The following ARHGEF18 variants were observed in gnomAD, a reference collection of about 807,000 sequenced individuals.
The protein encoded by ARHGEF18 is rho guanine nucleotide exchange factor 18.
ARHGEF18 carries 93 observed loss-of-function variants against 155.7 expected under a neutral mutation model. The observed-to-expected ratio is 0.60, with a 90% CI of 0.50 to 0.71. The LOEUF (loss-of-function observed/expected upper bound fraction) is 0.71, where lower values mean the gene tolerates loss of function less well. ARHGEF18 is among the 30% of genes least tolerant of loss of function. The probability of loss-of-function intolerance (pLI) is 0.00; values close to 1 mark genes in which losing one functional copy is unlikely to be tolerated. For synonymous variants in ARHGEF18, 742 were observed against 753.1 expected (o/e 0.99, Z 0.24); for missense variants, 1,593 against 1,816.1 (o/e 0.88, Z 2.23).
At position 7,395,020 on chromosome 19, in the gene ARHGEF18, T is replaced by C; in HGVS notation, c.967+11817T>C. 2 of 981,860 alleles carry C rather than the reference T, an allele frequency of 2.0e-6. No homozygotes were observed. Among genetic ancestry groups the C allele is most frequent in the Non-Finnish European group, 2.4e-6 (2 of 826,942 alleles). 60.8% of individuals were successfully genotyped at this position (981,860 alleles called of 1,614,324 possible). A position where few individuals can be genotyped will look rare whatever the true frequency, so the allele number is the denominator to read the frequency against. ...CGGCTCGGGGAGCAGCAGCCCCAGG[T>C]CCCCGGGAGCGCCCCGCCCTCGAGG... On this transcript the variant is annotated intron_variant, in intron 10 of 28. Coordinates refer to ENST00000668164, the MANE Select transcript of ARHGEF18 (RefSeq NM_001367823.1). This position sits in a 1 kb window ranked among gnomAD's most constrained non-coding sequence, Gnocchi z 5.0.
chr19:7,439,593 G>C (rs1974494632), intron 10 of ARHGEF18: 1 of 822,588 alleles, frequency 1.2e-6, no homozygotes, highest in Non-Finnish European at 1.5e-6. Flanking sequence ...TGTTGATGTT[G>C]GGTTGGTTTA....
At chr19:7,403,996 C>T (rs1166777261) in intron 10 of ARHGEF18, among the ~76,000 whole-genome samples, 2 of 150,520 alleles carry the variant, frequency 1.3e-5, no homozygotes, top group Admixed American at 6.6e-5. Context: ...ACCCGGGAGG[C>T]GGCGGAGGTT....
chr19:7,382,741 C>T (rs1970806158), intron 8 of ARHGEF18, 51 bp from the exon 9 acceptor site: 1 of 1,206,618 alleles, frequency 8.3e-7, no homozygotes. Flanking sequence ...ACAGGGCTGC[C>T]TCAGAATGGC....
intron 7 of ARHGEF18, among the ~76,000 whole-genome samples, chr19:7,380,684 T>A (rs1220086122): frequency 1.3e-5 from 2 of 151,816 alleles, no homozygotes; most frequent in Non-Finnish European, 2.9e-5. Flanking sequence ...ACGCCATCTC[T>A]ATTAAAAAAG....
intron 10 of ARHGEF18, among the ~76,000 whole-genome samples, chr19:7,410,899 C>T (rs983891144): frequency 2.7e-5 from 4 of 150,372 alleles, no homozygotes; most frequent in South Asian, 2.1e-4. Context: ...AAAAATGCCA[C>T]GCACTGCCCT....
In ARHGEF18 at chr19:7,444,532, A is replaced by G. The variant is rs1974874175; in HGVS notation, c.1611+78A>G. ...TGTTCCTTTCTTCTTTTTTTCTGAG[A>G]TAGGGTCTTGCCGTGTCGCCCAGGC... On this transcript the variant is annotated intron_variant, in intron 14 of 28. Coordinates refer to ENST00000668164, the MANE Select transcript of ARHGEF18 (RefSeq NM_001367823.1). This position sits in a 1 kb window ranked among gnomAD's most constrained non-coding sequence, Gnocchi z 4.7. The G allele has an allele frequency of 6.4e-7, 1 of 1,555,432 alleles. No homozygotes were observed. The highest frequency in any genetic ancestry group is 1.4e-5 in the African/African-American group (1 of 73,800).
intron 10 of ARHGEF18, among the ~76,000 whole-genome samples, chr19:7,418,055 C>T (rs1973121268): frequency 6.6e-6 from 1 of 152,082 alleles, no homozygotes; most frequent in African/African-American, 2.4e-5. Context: ...AGGTGGGGGC[C>T]ATGGCAGGGC....
intron 18 of ARHGEF18, among the ~76,000 whole-genome samples, chr19:7,457,997 C>T (rs976263152): frequency 2.6e-5 from 4 of 151,844 alleles, no homozygotes; most frequent in African/African-American, 9.7e-5. Context: ...GACACATTAT[C>T]GGGATACTAA....
intron 7 of ARHGEF18, among the ~76,000 whole-genome samples, chr19:7,379,455 AG>A (rs774334994): frequency 2.0e-5 from 3 of 152,162 alleles, no homozygotes; most frequent in Non-Finnish European, 4.4e-5. Context: ...GCTACTCAGG[AG>A]GCTGAGGCAG....
chr19:7,399,220 G>A (rs80350027), intron 10 of ARHGEF18, among the ~76,000 whole-genome samples: 3,500 of 152,250 alleles, frequency 0.023, 146 homozygotes, highest in African/African-American at 0.077. Context: ...CCTCGCAGCT[G>A]CCTGGAGGAA....
intron 5 of ARHGEF18, among the ~76,000 whole-genome samples, chr19:7,377,677 A>G (rs1187326776): frequency 6.6e-6 from 1 of 151,626 alleles, no homozygotes; most frequent in Non-Finnish European, 1.5e-5. Context: ...AGTCCCAGCT[A>G]CTTTGGAGGC....
Position 7,453,517 on chromosome 19 carries a change from G to A in ARHGEF18, c.1906G>A (p.Asp636Asn). The change falls in exon 17 of 29, where the codon GAT becomes AAT. Residue 636 changes from aspartate (D) to asparagine (N), a missense_variant. Physicochemically the swap from Asp to Asn is conservative, Grantham distance 23. Transcript: ENST00000668164. ...GACCCAGGCCTTGAACCTCATCAAA[G>A]ATATCATCTCACAAGTGGACGCCAA... ...DLTQALNLIK[D>N]IISQVDAKVS... 1 of 1,613,862 alleles carries A rather than the reference G, an allele frequency of 6.2e-7. No homozygotes were observed.
intron 3 of ARHGEF18, among the ~76,000 whole-genome samples, chr19:7,374,845 A>G (rs1970360758): frequency 6.6e-6 from 1 of 152,190 alleles, no homozygotes; most frequent in Non-Finnish European, 1.5e-5. Context: ...GCATGAAGCC[A>G]CCATGCAGTT....
chr19:7,451,445 G>T (rs1204971352), intron 16 of ARHGEF18, among the ~76,000 whole-genome samples, 179 bp downstream of exon 16: 4 of 131,474 alleles, frequency 3.0e-5, no homozygotes, highest in African/African-American at 1.1e-4. Flanking sequence ...GTCTCACTCT[G>T]TTGCCCAGGC....
Position 7,367,746 on chromosome 19 carries a change from C to CA in ARHGEF18, c.15+4854dup, listed in dbSNP as rs776839774. Among the ~76,000 whole-genome samples the CA allele has an allele frequency of 1.8e-3, 66 of 36,320 alleles. 8 individuals are homozygous for CA. The East Asian group carries it at 0.053, about 29-fold the overall frequency. The allele number at this position is 36,320 out of a possible 152,430, so 23.8% of individuals were successfully genotyped here. A position where few individuals can be genotyped will look rare whatever the true frequency, so the allele number is the denominator to read the frequency against. On this transcript the variant is annotated intron_variant, in intron 2 of 28. Coordinates refer to ENST00000668164, the MANE Select transcript of ARHGEF18 (RefSeq NM_001367823.1). ...AGGCAACAAGAGTGAAACTCCATCT[C>CA]AAAAAAAAAAAAATATATATATATA... is the stretch of plus-strand genomic sequence containing the variant.
intron 10 of ARHGEF18, among the ~76,000 whole-genome samples, chr19:7,405,093 G>A (rs1972232009): frequency 6.6e-6 from 1 of 152,068 alleles, no homozygotes; most frequent in Non-Finnish European, 1.5e-5. Context: ...CAGTAACTGG[G>A]ATTATAGGTG....
intron 10 of ARHGEF18, among the ~76,000 whole-genome samples, chr19:7,428,361 C>T (rs1190254445): frequency 6.6e-6 from 1 of 152,114 alleles, no homozygotes; most frequent in Non-Finnish European, 1.5e-5. Context: ...CCTTCACCTT[C>T]CAGCAGAACC....
intron 10 of ARHGEF18, chr19:7,439,680 G>C: frequency 1.7e-6 from 2 of 1,209,596 alleles, no homozygotes; most frequent in Non-Finnish European, 2.1e-6. Context: ...TGATGACCAG[G>C]GGCGGCTAAA....
At chr19:7,431,529 A>AAAAAAAAAAAAAAAAAAAAAAAAG (rs901539858) in intron 10 of ARHGEF18, among the ~76,000 whole-genome samples, 1 of 146,964 alleles carries the variant, frequency 6.8e-6, no homozygotes, top group Non-Finnish European at 1.5e-5. Flanking sequence ...AAAAAAAAAA[A>AAAAAAAAAAAAAAAAAAAAAAAAG]AAAAGGCCGG....
Sources: gnomAD v4.1 joint callset for allele counts (sites outside exome capture counted in the v4.1 genomes callset) on GRCh38, gnomAD v4.1.1 for gene constraint, Gnocchi (gnomAD v3.1) non-coding constraint, MANE v1.5 for transcripts, NCBI Gene and HGNC (gene_info 2026-07-23, HGNC 2026-07-21) for gene names.